Variants in CCDC154 observed in about 807,000 individuals in gnomAD.
CCDC154 encodes coiled-coil domain-containing protein 154.
Under a neutral mutation model 87.5 loss-of-function variants are expected in CCDC154, and 91 were observed. The observed-to-expected ratio is 1.04, with a 90% CI of 0.88 to 1.24. The LOEUF (loss-of-function observed/expected upper bound fraction) is 1.24, where lower values mean the gene tolerates loss of function less well. Ranked by LOEUF, CCDC154 falls within the 50% of genes most tolerant of loss-of-function variation. The probability of loss-of-function intolerance (pLI) is 0.00; values close to 1 mark genes in which losing one functional copy is unlikely to be tolerated. For missense variants in CCDC154, 903 were observed against 879.2 expected (o/e 1.03, Z -0.34); for synonymous variants, 418 against 400.4 (o/e 1.04, Z -0.52).
Position 1,434,799 on chromosome 16 carries a change from C to T in CCDC154, c.1746G>A (p.Glu582=). The T allele has an allele frequency of 6.5e-7, 1 of 1,539,504 alleles. No individual in the cohort carries two copies. The highest frequency in any genetic ancestry group is 1.4e-5 in the African/African-American group (1 of 73,108). ...TGCCCAGCGGCGTCCGCGGGCCCTC[C>T]TCACTCCACAGCCGGAGCACACTCT... The part of the protein sequence containing the change: ...LWESVLRLWS[E]EGPRTPLGSW... Residue 582 remains glutamate (E), a synonymous_variant, in exon 16 of 17, where the codon GAG becomes GAA. Transcript: ENST00000389176.
chr16:1,438,989 G>T (rs3751896), intron 7 of CCDC154, 36 bp downstream of exon 7: 16 of 1,549,534 alleles, frequency 1.0e-5, no homozygotes, highest in Admixed American at 3.9e-5. Flanking sequence ...GTCTGGGAAG[G>T]GGGGCAGGGC....
chr16:1,444,070 C>G, intron 1 of CCDC154, 58 bp from the exon 2 acceptor site: 2 of 1,244,334 alleles, frequency 1.6e-6, no homozygotes, highest in Non-Finnish European at 2.1e-6. Context: ...CTGGAGCTTA[C>G]GGGAACAAGG....
chr16:1,443,993 G>T lies in CCDC154; in HGVS notation c.27C>A (p.Pro9=). Residue 9 remains proline, a synonymous_variant, in exon 2 of 17, where the codon CCC becomes CCA. Coordinates refer to ENST00000389176, the MANE Select transcript of CCDC154 (RefSeq NM_001143980.3). ...GCTGGGAAGGGGCCGATGCCCCTGAGGGTCCACTGTCAGCCAACTCTACAA... is the reference window on the plus strand; with the variant it reads ...GCTGGGAAGGGGCCGATGCCCCTGATGGTCCACTGTCAGCCAACTCTACAA... MSELADSG[P]SGASAPSQLR... 7.7e-7 allele frequency: 1 copy of T among 1,300,994 alleles called. No individual in the cohort carries two copies. Among genetic ancestry groups the T allele is most frequent in the Non-Finnish European group, 1.0e-6 (1 of 988,922 alleles). The allele number at this position is 1,300,994 out of a possible 1,614,324, so 80.6% of individuals were successfully genotyped here.
intron 6 of CCDC154, among the ~76,000 whole-genome samples, chr16:1,440,867 T>C (rs368884941): frequency 1.2e-4 from 18 of 149,698 alleles, no homozygotes; most frequent in Admixed American, 1.3e-4. Context: ...AGGAGAATGG[T>C]GTGAACGTGG....
chr16:1,438,668 G>C lies in CCDC154; in HGVS notation c.976C>G (p.Gln326Glu). Residue 326 changes from glutamine (Q) to glutamate (E), a missense_variant, in exon 9 of 17, where the codon CAG (glutamine) becomes GAG (glutamate). By Grantham distance (29) the Gln-to-Glu change is conservative. Transcript: ENST00000389176. ...ACACGGTTCAGCGACGCCTGGTTCT[G>C]CTGCACAAACTTGGTCAGCTGGGCC... ...AVAQLTKFVQ[Q>E]NQASLNRVLL... is the part of the protein sequence containing the mutation. 1 of 1,550,146 alleles carries C rather than the reference G, an allele frequency of 6.5e-7. No individual in the cohort carries two copies. The highest frequency in any genetic ancestry group is 8.7e-7 in the Non-Finnish European group (1 of 1,146,808).
At chr16:1,442,046 A>G (rs2038556580) in intron 6 of CCDC154, among the ~76,000 whole-genome samples, 1 of 144,832 alleles carries the variant, frequency 6.9e-6, no homozygotes, top group Non-Finnish European at 1.5e-5. Flanking sequence ...CCTCCTCAGT[A>G]GCTGAGGCTA....
In CCDC154 at chr16:1,435,952, G is replaced by A. The variant is rs776423008; in HGVS notation, c.1605+17C>T. 2 of 1,544,654 alleles carry A rather than the reference G, an allele frequency of 1.3e-6. No individual in the cohort carries two copies. Among genetic ancestry groups the A allele is most frequent in the South Asian group, 2.4e-5 (2 of 83,946 alleles). ...TCCCCCTCTCTCCCAGCTGGGTGCGGGCAGCCCCAGGACTACCGTGGCCAG... is the reference window on the plus strand; with the variant it reads ...TCCCCCTCTCTCCCAGCTGGGTGCGAGCAGCCCCAGGACTACCGTGGCCAG... On this transcript the variant is annotated intron_variant, in intron 14 of 16. Transcript: ENST00000389176.
Position 1,442,582 on chromosome 16 carries a change from G to A in CCDC154, c.552-53C>T, listed in dbSNP as rs942533230. 4.8e-6 allele frequency: 7 copies of A among 1,472,848 alleles called. No homozygotes were observed. The Admixed American group carries it at 7.4e-5, about 16-fold the overall frequency. The allele number at this position is 1,472,848 out of a possible 1,614,324, so 91.2% of individuals were successfully genotyped here. On this transcript the variant is annotated intron_variant, in intron 5 of 16. Coordinates refer to ENST00000389176, the MANE Select transcript of CCDC154 (RefSeq NM_001143980.3). ...GCCCAGCTGGCCGGAGGGCCCAGCA[G>A]GGTGAGGCTGACCCACAGGCTGGCC... is the stretch of plus-strand genomic sequence containing the variant.
intron 4 of CCDC154, 80 bp from the exon 5 acceptor site, chr16:1,443,055 C>G: frequency 6.7e-7 from 1 of 1,484,466 alleles, no homozygotes. Context: ...CCAAGGGGCC[C>G]CTGTGGCCAC....
intron 6 of CCDC154, among the ~76,000 whole-genome samples, chr16:1,441,853 C>T (rs4786418): frequency 0.3 from 45,209 of 152,000 alleles, 7,357 homozygotes; most frequent in Admixed American, 0.35. Context: ...GATCCTCCCG[C>T]CTCGGCCTCC....
intron 6 of CCDC154, among the ~76,000 whole-genome samples, chr16:1,441,282 A>G (rs1339261236): frequency 6.6e-6 from 1 of 152,154 alleles, no homozygotes; most frequent in African/African-American, 2.4e-5. Context: ...CCACACGGCC[A>G]CTCAGTAACT....
chr16:1,443,778 A>T lies in CCDC154; in HGVS notation c.224+18T>A, dbSNP rs911390434. The T allele has an allele frequency of 1.5e-6, 2 of 1,304,914 alleles. No homozygotes were observed. Among genetic ancestry groups the T allele is most frequent in the Non-Finnish European group, 2.0e-6 (2 of 990,144 alleles). The allele number at this position is 1,304,914 out of a possible 1,614,324, so 80.8% of individuals were successfully genotyped here. On this transcript the variant is annotated intron_variant, in intron 2 of 16. Transcript: ENST00000389176. ...GGCGACGTGGTCCTCCCCCGCCAGCACCCCCTGCAGGGCTCACCACTGCTC... is the reference window on the plus strand; with the variant it reads ...GGCGACGTGGTCCTCCCCCGCCAGCTCCCCCTGCAGGGCTCACCACTGCTC...
intron 9 of CCDC154, 136 bp downstream of exon 9, chr16:1,438,483 T>A (rs936930321): frequency 1.2e-6 from 1 of 865,356 alleles, no homozygotes; most frequent in Admixed American, 2.3e-5. Flanking sequence ...ACCATCCAGC[T>A]GCAGCCCTCG....
At chr16:1,442,371 T>TGGGCGGCCCCCC (rs1416754372) in intron 6 of CCDC154, 35 bp downstream of exon 6, 1 of 1,523,804 alleles carries the variant, frequency 6.6e-7, no homozygotes. Flanking sequence ...CTCGGCCCTC[T>TGGGCGGCCCCCC]GGGCGGCCCC....
Position 1,438,954 on chromosome 16 carries a change from A to T in CCDC154, c.778-11T>A. ...CGAGGCCTTCATTCTCTGTGGGGAGACCCCACTGTCAGCTGCAGGTCTGCG... is the reference window on the plus strand; with the variant it reads ...CGAGGCCTTCATTCTCTGTGGGGAGTCCCCACTGTCAGCTGCAGGTCTGCG... On this transcript the variant is annotated splice_polypyrimidine_tract_variant and intron_variant, in intron 7 of 16. Transcript: ENST00000389176. 6.5e-7 allele frequency: 1 copy of T among 1,547,712 alleles called. No homozygotes were observed. The highest frequency in any genetic ancestry group is 8.7e-7 in the Non-Finnish European group (1 of 1,145,568).
intron 1 of CCDC154, 76 bp downstream of exon 1, chr16:1,444,240 G>T: frequency 1.6e-6 from 2 of 1,268,946 alleles, no homozygotes; most frequent in Non-Finnish European, 1.0e-6. Context: ...GGAGCCCGGG[G>T]TCAGAAGCAG....
intron 6 of CCDC154, among the ~76,000 whole-genome samples, chr16:1,441,108 T>C (rs1437904189): frequency 1.3e-5 from 2 of 152,126 alleles, no homozygotes; most frequent in Non-Finnish European, 2.9e-5. Context: ...AACCAGGCAA[T>C]ACCCTGTCTC....
intron 9 of CCDC154, 165 bp from the exon 10 acceptor site, chr16:1,438,341 GCCA>G: frequency 2.2e-6 from 2 of 914,974 alleles, no homozygotes; most frequent in Non-Finnish European, 3.2e-6. Context: ...ACTCCCCATG[GCCA>G]CCAAGATGGG....
At chr16:1,439,167 G>C in intron 6 of CCDC154, 41 bp from the exon 7 acceptor site, 6 of 1,490,498 alleles carry the variant, frequency 4.0e-6, no homozygotes, top group Non-Finnish European at 5.5e-6. Context: ...GCCTCTGCTG[G>C]ACACGCAGCC....
Sources: gnomAD v4.1 joint callset for allele counts (sites outside exome capture counted in the v4.1 genomes callset) on GRCh38, gnomAD v4.1.1 for gene constraint, MANE v1.5 for transcripts, NCBI Gene and HGNC (gene_info 2026-07-23, HGNC 2026-07-21) for gene names.